Variants in FARP1 observed in about 807,000 individuals in gnomAD.
The protein encoded by FARP1 is FERM, ARH/RhoGEF and pleckstrin domain protein 1.
Under a neutral mutation model 128.8 loss-of-function variants are expected in FARP1, and 52 were observed. That is an observed-to-expected ratio of 0.40 (90% CI 0.32 to 0.51). The LOEUF is 0.51. FARP1 is among the 20% of genes least tolerant of loss of function. The probability of loss-of-function intolerance (pLI) is 0.45; values close to 1 mark genes in which losing one functional copy is unlikely to be tolerated. For missense variants in FARP1, 1,333 were observed against 1,367.9 expected (o/e 0.97, Z 0.40); for synonymous variants, 580 against 551.8 (o/e 1.05, Z -0.72).
intron 2 of FARP1, among the ~76,000 whole-genome samples, chr13:98,289,828 T>C (rs1250398382): frequency 6.6e-6 from 1 of 152,166 alleles, no homozygotes; most frequent in Non-Finnish European, 1.5e-5. Flanking sequence ...CAACATTGAT[T>C]ACTACAGGGA....
intron 2 of FARP1, among the ~76,000 whole-genome samples, chr13:98,235,988 T>C (rs1339655892): frequency 6.6e-6 from 1 of 152,044 alleles, no homozygotes; most frequent in Non-Finnish European, 1.5e-5. Flanking sequence ...TACACACAAC[T>C]AATTTTTGTA....
intron 2 of FARP1, among the ~76,000 whole-genome samples, chr13:98,252,138 G>A (rs144390332): frequency 1.3e-3 from 202 of 152,224 alleles, no homozygotes; most frequent in African/African-American, 4.7e-3. Flanking sequence ...GTGAGCCACC[G>A]TGCCCACCTA....
intron 13 of FARP1, chr13:98,396,529 G>A (rs140821838): frequency 2.5e-6 from 1 of 399,074 alleles, no homozygotes; most frequent in East Asian, 3.6e-5. Flanking sequence ...AGCAACCTGG[G>A]GTCACGAGAC....
In FARP1 at chr13:98,447,040, G is replaced by A. The variant is rs1264262269; in HGVS notation, c.3056+223G>A. The A allele has an allele frequency of 7.6e-6, 4 of 528,176 alleles. No individual in the cohort carries two copies. In the Admixed American group the frequency reaches 1.3e-4, roughly 17 times the overall value. 32.7% of individuals were successfully genotyped at this position (528,176 alleles called of 1,614,324 possible). On this transcript the variant is annotated intron_variant, in intron 26 of 26. Coordinates refer to ENST00000319562, the MANE Select transcript of FARP1 (RefSeq NM_005766.4). The stretch of plus-strand genomic sequence containing the variant: ...GCCCTTACCCTGCACGGTGTTGGCT[G>A]AGGCCCTAGACATCTTGCTTGGAGA...
intron 15 of FARP1, among the ~76,000 whole-genome samples, chr13:98,411,698 A>T (rs1325963070): frequency 6.6e-6 from 1 of 152,246 alleles, no homozygotes; most frequent in African/African-American, 2.4e-5. Context: ...AGTAATATAC[A>T]GATGGGTGCT....
chr13:98,443,026 G>C (rs1190857881), intron 24 of FARP1, among the ~76,000 whole-genome samples: 1 of 152,328 alleles, frequency 6.6e-6, no homozygotes, highest in Admixed American at 6.5e-5. Context: ...AAATCTACAC[G>C]GTCGCAGCCT....
At chr13:98,266,688 A>T (rs9584784) in intron 2 of FARP1, among the ~76,000 whole-genome samples, 1 of 151,944 alleles carries the variant, frequency 6.6e-6, no homozygotes, top group African/African-American at 2.4e-5. Context: ...TTCTTTAATT[A>T]TCAATAAGAC....
intron 1 of FARP1, among the ~76,000 whole-genome samples, chr13:98,154,397 A>C (rs993586112): frequency 2.0e-5 from 3 of 152,202 alleles, no homozygotes; most frequent in African/African-American, 7.2e-5. Flanking sequence ...TAACCAAAAA[A>C]ATATAGAGAA....
At chr13:98,392,323 C>CAAAAAAAAAAAAAA (rs11289484) in intron 11 of FARP1, among the ~76,000 whole-genome samples, 19 of 60,424 alleles carry the variant, frequency 3.1e-4, no homozygotes, top group African/African-American at 6.6e-4. Context: ...CATCTCTACC[C>CAAAAAAAAAAAAAA]AAAAAAAAAA....
chr13:98,232,714 T>C lies in FARP1; in HGVS notation c.171+19301T>C, dbSNP rs1882202237. Among the ~76,000 whole-genome samples, 4 of 152,260 alleles carry C rather than the reference T, an allele frequency of 2.6e-5. 1 individual carries two copies. Among genetic ancestry groups the C allele is most frequent in the Admixed American group, 2.0e-4 (3 of 15,286 alleles). On this transcript the variant is annotated intron_variant, in intron 2 of 26. Transcript: ENST00000319562. Reference sequence around the variant, plus strand: ...ACCAAAAAATTTGTGTGACTCATTTTATTGAAATATTTGCTTTATTGCGGT... The same window carrying C: ...ACCAAAAAATTTGTGTGACTCATTTCATTGAAATATTTGCTTTATTGCGGT...
chr13:98,226,950 T>TC (rs1369735926), intron 2 of FARP1, among the ~76,000 whole-genome samples: 5 of 152,004 alleles, frequency 3.3e-5, no homozygotes, highest in African/African-American at 9.7e-5. Context: ...TTTCTTTCTT[T>TC]TTTTTTTTGA....
At chr13:98,273,965 A>G (rs1233039725) in intron 2 of FARP1, among the ~76,000 whole-genome samples, 1 of 152,196 alleles carries the variant, frequency 6.6e-6, no homozygotes, top group Non-Finnish European at 1.5e-5. Context: ...GTTTTTGTTT[A>G]AAAATGACAA....
At chr13:98,264,522 C>A (rs1884013180) in intron 2 of FARP1, among the ~76,000 whole-genome samples, 1 of 152,164 alleles carries the variant, frequency 6.6e-6, no homozygotes, top group Non-Finnish European at 1.5e-5. Context: ...GTTCAAGTCA[C>A]CCTTATTTGA....
In FARP1 at chr13:98,161,463, C is replaced by T. The variant is rs919229953; in HGVS notation, c.-24+17971C>T. Among the ~76,000 whole-genome samples, 9 of 152,112 alleles carry T rather than the reference C, an allele frequency of 5.9e-5. No individual in the cohort carries two copies. In the East Asian group the frequency reaches 9.7e-4, roughly 16 times the overall value. On this transcript the variant is annotated intron_variant, in intron 1 of 26. Coordinates refer to ENST00000319562, the MANE Select transcript of FARP1 (RefSeq NM_005766.4). The stretch of plus-strand genomic sequence containing the variant: ...ATCTCCTGACCTCAAAAGATCCGCC[C>T]GCCTCGGCCTTCCAAAGTGCTGGGA...
intron 2 of FARP1, among the ~76,000 whole-genome samples, chr13:98,252,903 A>G (rs1361177412): frequency 1.3e-5 from 2 of 152,238 alleles, no homozygotes; most frequent in Admixed American, 6.5e-5. Flanking sequence ...TTAGAAAAAT[A>G]CTTCCAAATT....
chr13:98,214,052 C>T (rs1393946388), intron 2 of FARP1, among the ~76,000 whole-genome samples: 6 of 152,108 alleles, frequency 3.9e-5, no homozygotes, highest in South Asian at 2.1e-4. Context: ...GCCTGGGGGC[C>T]GGAGGTGTCA....
intron 2 of FARP1, among the ~76,000 whole-genome samples, chr13:98,224,650 T>C (rs1161091429): frequency 6.6e-6 from 1 of 151,392 alleles, no homozygotes; most frequent in Non-Finnish European, 1.5e-5. Context: ...TACCCATCCC[T>C]TGCCAGGGAC....
chr13:98,373,533 G>GACGCACACACACACACAC (rs1889446045), intron 5 of FARP1, among the ~76,000 whole-genome samples: 1 of 130,984 alleles, frequency 7.6e-6, no homozygotes, highest in Non-Finnish European at 1.6e-5. Flanking sequence ...CAGACAGACA[G>GACGCACACACACACACAC]ACACACACAC....
chr13:98,378,909 A>T lies in FARP1; in HGVS notation c.496+991A>T, dbSNP rs1315471431. 1.8e-3 allele frequency among the ~76,000 whole-genome samples: 149 copies of T among 82,498 alleles called. 10 individuals are homozygous for T. The highest frequency in any genetic ancestry group is 4.9e-3 in the South Asian group (11 of 2,224). 54.1% of individuals were successfully genotyped at this position (82,498 alleles called of 152,430 possible). A position where few individuals can be genotyped will look rare whatever the true frequency, so the allele number is the denominator to read the frequency against. The stretch of plus-strand genomic sequence containing the variant: ...GTGCCAGCACTATATATATATATAT[A>T]ATATATATATAATATATACAATATA... On this transcript the variant is annotated intron_variant, in intron 6 of 26. Transcript: ENST00000319562.
Sources: gnomAD v4.1 joint callset for allele counts (sites outside exome capture counted in the v4.1 genomes callset) on GRCh38, gnomAD v4.1.1 for gene constraint, MANE v1.5 for transcripts, NCBI Gene and HGNC (gene_info 2026-07-23, HGNC 2026-07-21) for gene names.